The following ZSCAN30 variants were observed in gnomAD, a reference collection of about 807,000 sequenced individuals.
ZSCAN30 encodes zinc finger and SCAN domain containing 30.
Under a neutral mutation model 44.3 loss-of-function variants are expected in ZSCAN30, and 37 were observed. The ratio of observed to expected loss-of-function variants is 0.84; its 90% confidence interval spans 0.64 to 1.10. The LOEUF (loss-of-function observed/expected upper bound fraction) is 1.10, where lower values mean the gene tolerates loss of function less well. Among genes scored for constraint, ZSCAN30 ranks in the 50% least tolerant of loss-of-function variants. The pLI, the probability that ZSCAN30 is intolerant of heterozygous loss-of-function variation, is 0.00. For synonymous variants in ZSCAN30, 181 were observed against 204.6 expected, an observed-to-expected ratio of 0.88 and a Z score of 0.98; for missense variants, 549 against 582.6, an observed-to-expected ratio of 0.94 and a Z score of 0.59.
Position 35,264,458 on chromosome 18 carries a change from GA to G in ZSCAN30, c.-103-4del. 2.5e-6 allele frequency: 3 copies of G among 1,184,336 alleles called. No individual in the cohort carries two copies. The highest frequency in any genetic ancestry group is 3.5e-6 in the Non-Finnish European group (3 of 854,310). 73.4% of individuals were successfully genotyped at this position (1,184,336 alleles called of 1,614,324 possible). On this transcript the variant is annotated splice_polypyrimidine_tract_variant and splice_region_variant and intron_variant, in intron 1 of 3. Coordinates refer to ENST00000333206, the MANE Select transcript of ZSCAN30 (RefSeq NM_001112734.4). Reference sequence around the variant, plus strand: ...AATTCCAACTCCCCAGGACGCTCCTGAGGGTGGACAATGCTCATGTTACACA... The same window carrying G: ...AATTCCAACTCCCCAGGACGCTCCTGGGGTGGACAATGCTCATGTTACACA...
intron 3 of ZSCAN30, 43 bp from the exon 4 acceptor site, chr18:35,254,424 T>C (rs2043719118): frequency 1.2e-6 from 2 of 1,613,244 alleles, no homozygotes; most frequent in Admixed American, 1.7e-5. Flanking sequence ...TTACTTCCCA[T>C]GACAGAAGAA....
At chr18:35,261,109 A>G (rs2044017568) in intron 3 of ZSCAN30, 1 of 152,172 alleles carries the variant, frequency 6.6e-6, no homozygotes, top group African/African-American at 2.4e-5. Context: ...CAAATAGGTA[A>G]TCCTTTCCCC....
intron 3 of ZSCAN30, chr18:35,261,010 T>C (rs1282841508): frequency 1.3e-5 from 2 of 152,224 alleles, no homozygotes; most frequent in Non-Finnish European, 2.9e-5. Context: ...CTTTAGTCCA[T>C]GTTGAGTTTA....
intron 1 of ZSCAN30, among the ~76,000 whole-genome samples, chr18:35,277,981 C>T (rs1302279779): frequency 6.6e-6 from 1 of 152,170 alleles, no homozygotes; most frequent in Non-Finnish European, 1.5e-5. Flanking sequence ...AATATTTCCT[C>T]TAACCATTAC....
At chr18:35,279,410 G>C (rs1344331456) in intron 1 of ZSCAN30, among the ~76,000 whole-genome samples, 1 of 152,170 alleles carries the variant, frequency 6.6e-6, no homozygotes, top group Non-Finnish European at 1.5e-5. Flanking sequence ...CTCTGTGTCT[G>C]AATTTGCCTA....
intron 1 of ZSCAN30, chr18:35,268,453 G>A (rs1273229867): frequency 2.0e-5 from 3 of 152,198 alleles, no homozygotes; most frequent in Admixed American, 2.0e-4. Flanking sequence ...GCCAAGGGAG[G>A]TCTTTTGGAA....
At chr18:35,267,919 CG>C in intron 1 of ZSCAN30, 2 of 152,204 alleles carry the variant, frequency 1.3e-5, no homozygotes, top group Admixed American at 1.3e-4. Flanking sequence ...CTAGGAGCTG[CG>C]GAAGGGCTGG....
intron 2 of ZSCAN30, 102 bp from the exon 3 acceptor site, chr18:35,263,759 T>A: frequency 8.9e-6 from 13 of 1,460,950 alleles, no homozygotes; most frequent in Non-Finnish European, 1.2e-5. Flanking sequence ...CTCATTCAAA[T>A]GATTAGAGAG....
At chr18:35,280,323 C>T (rs2044434713) in intron 1 of ZSCAN30, among the ~76,000 whole-genome samples, 1 of 149,634 alleles carries the variant, frequency 6.7e-6, no homozygotes, top group Non-Finnish European at 1.5e-5. Flanking sequence ...AGGCAACCAC[C>T]ATTTATAAAA....
chr18:35,252,322 G>A lies in ZSCAN30; in HGVS notation c.*1128C>T, dbSNP rs1200914443. 2 of 152,212 alleles carry A rather than the reference G, an allele frequency of 1.3e-5. No homozygotes were observed. The highest frequency in any genetic ancestry group is 1.9e-4 in the East Asian group (1 of 5,192). The allele number at this position is 152,212 out of a possible 1,614,324, so 9.4% of individuals were successfully genotyped here. ...GAGGCTAGAGAGACAGTGGGGACTG[G>A]AGTGTTTGTGTCCCATGACTCTGGG... On this transcript the variant is annotated 3_prime_UTR_variant, in exon 4 of 4. Coordinates refer to ENST00000333206, the MANE Select transcript of ZSCAN30 (RefSeq NM_001112734.4).
intron 1 of ZSCAN30, among the ~76,000 whole-genome samples, chr18:35,288,925 C>A (rs2044601055): frequency 6.6e-6 from 1 of 151,474 alleles, no homozygotes; most frequent in Non-Finnish European, 1.5e-5. Flanking sequence ...TAAATATTTG[C>A]TGTTTATGTC....
At chr18:35,283,593 C>A (rs933372449) in intron 1 of ZSCAN30, 1 of 152,450 alleles carries the variant, frequency 6.6e-6, no homozygotes, top group African/African-American at 2.4e-5. Context: ...CAGTCAGGCA[C>A]GCTGGCTGCT....
Position 35,263,573 on chromosome 18 carries a change from G to T in ZSCAN30, c.493C>A (p.Gln165Lys), listed in dbSNP as rs1456929333. The change falls in exon 3 of 4, where the codon CAG becomes AAG. Residue 165 changes from glutamine to lysine, a missense_variant. Gln to Lys is a moderately conservative substitution (Grantham distance 53). Coordinates refer to ENST00000333206, the MANE Select transcript of ZSCAN30 (RefSeq NM_001112734.4). Reference sequence around the variant, plus strand: ...GTCTTGCACTGGTTCTCTAAGGGCTGCACCGGGCTATTCAGAGACAGAGAC... The same window carrying T: ...GTCTTGCACTGGTTCTCTAAGGGCTTCACCGGGCTATTCAGAGACAGAGAC... ...LKSLSLNSPV[Q>K]PLENQCKTET... The T allele has an allele frequency of 6.2e-7, 1 of 1,614,206 alleles. No homozygotes were observed. Among genetic ancestry groups the T allele is most frequent in the African/African-American group, 1.3e-5 (1 of 75,046 alleles).
chr18:35,272,121 C>G (rs886753119), intron 1 of ZSCAN30, among the ~76,000 whole-genome samples: 9 of 152,336 alleles, frequency 5.9e-5, no homozygotes, highest in African/African-American at 2.2e-4. Context: ...CAAGAGCAGA[C>G]GCTGAGGCCA....
At chr18:35,260,825 A>G (rs1157914471) in intron 3 of ZSCAN30, 4 of 152,070 alleles carry the variant, frequency 2.6e-5, no homozygotes, top group Non-Finnish European at 5.9e-5. Flanking sequence ...CTCTTATAAT[A>G]GGTTCTTTTG....
chr18:35,254,062 T>C lies in ZSCAN30; in HGVS notation c.873A>G (p.Gln291=), dbSNP rs1403938296. ...GCTTTTCCCTAGTGTCAACGCTCTG[T>C]TGTGTAATATCATTTGAATTCATAC... ...SFSMNSNDIT[Q]QSVDTREKLY... The change falls in exon 4 of 4, where the codon CAA becomes CAG. Residue 291 remains glutamine (Q), a synonymous_variant. Coordinates refer to ENST00000333206, the MANE Select transcript of ZSCAN30 (RefSeq NM_001112734.4). The C allele has an allele frequency of 1.2e-6, 2 of 1,613,996 alleles. No homozygotes were observed. The highest frequency in any genetic ancestry group is 1.7e-6 in the Non-Finnish European group (2 of 1,180,012).
chr18:35,276,875 G>C (rs2044375881), intron 1 of ZSCAN30, among the ~76,000 whole-genome samples: 1 of 152,206 alleles, frequency 6.6e-6, no homozygotes, highest in South Asian at 2.1e-4. Flanking sequence ...TCCACTGAAA[G>C]CTTGCACCAT....
intron 1 of ZSCAN30, among the ~76,000 whole-genome samples, chr18:35,265,734 G>A (rs1405746506): frequency 2.0e-5 from 3 of 152,194 alleles, no homozygotes; most frequent in Non-Finnish European, 2.9e-5. Context: ...GCTAGATAGC[G>A]TACCAAAGAG....
At chr18:35,261,500 C>T (rs1472129289) in intron 3 of ZSCAN30, 1 of 152,146 alleles carries the variant, frequency 6.6e-6, no homozygotes, top group Non-Finnish European at 1.5e-5. Flanking sequence ...GAATGTTTCT[C>T]CATTTGTTTG....
Sources: allele counts gnomAD v4.1 joint callset (sites outside exome capture counted in the v4.1 genomes callset), GRCh38; gene constraint gnomAD v4.1.1; transcripts MANE v1.5; gene names NCBI Gene and HGNC (gene_info 2026-07-23, HGNC 2026-07-21).